Variants in DCLRE1A observed in about 807,000 individuals in gnomAD.
DCLRE1A encodes the protein DNA cross-link repair 1A protein.
In DCLRE1A, 64 loss-of-function variants were observed where a neutral mutation model predicts 91.9. That is an observed-to-expected ratio of 0.70 (90% CI 0.57 to 0.86). The LOEUF (loss-of-function observed/expected upper bound fraction) is 0.86. Ranked by LOEUF, DCLRE1A falls within the 40% of genes least tolerant of loss-of-function variation. DCLRE1A has a pLI of 0.00. For missense variants in DCLRE1A, 1,145 were observed against 1,213.3 expected (o/e 0.94, Z 0.84); for synonymous variants, 416 against 431.1 (o/e 0.96, Z 0.43).
intron 8 of DCLRE1A, among the ~76,000 whole-genome samples, chr10:113,835,711 G>A (rs1271049869): frequency 6.6e-6 from 1 of 152,126 alleles, no homozygotes; most frequent in Non-Finnish European, 1.5e-5. Context: ...GAAGCGGGCA[G>A]ATTACCTGAG....
At position 113,841,406 on chromosome 10, in the gene DCLRE1A, C is replaced by CT; in HGVS notation, c.2819dup (p.Gln943ThrfsTer26). 6.2e-7 allele frequency: 1 copy of CT among 1,610,898 alleles called. No individual in the cohort carries two copies. The highest frequency in any genetic ancestry group is 8.5e-7 in the Non-Finnish European group (1 of 1,178,802). On this transcript the variant is annotated frameshift_variant and splice_region_variant, in exon 7 of 9. Coordinates refer to ENST00000361384, the MANE Select transcript of DCLRE1A (RefSeq NM_014881.5). LOFTEE classifies it high-confidence loss of function. ...AAAGACATATCTCTTGAATGCTTAC[C>CT]TTAAAATTAATTTGCATCATTGGGA... is the stretch of plus-strand genomic sequence containing the variant.
Position 113,849,405 on chromosome 10 carries a change from G to T in DCLRE1A, c.1700C>A (p.Pro567His). The T allele has an allele frequency of 6.2e-7, 1 of 1,613,720 alleles. No individual in the cohort carries two copies. The highest frequency in any genetic ancestry group is 8.5e-7 in the Non-Finnish European group (1 of 1,179,882). ...MDIGVYFGLPPKRKEEKLLGE... is the reference protein window; with the variant it reads ...MDIGVYFGLPHKRKEEKLLGE... Reference sequence around the variant, plus strand: ...TAGCAATTTCTCTTCCTTTCTTTTGGGAGGTAGTCCAAAATACACACCTAT... The same window carrying T: ...TAGCAATTTCTCTTCCTTTCTTTTGTGAGGTAGTCCAAAATACACACCTAT... The change falls in exon 2 of 9, where the codon CCC becomes CAC. Residue 567 changes from proline to histidine, a missense_variant. Pro to His is a moderately conservative substitution (Grantham distance 77). Coordinates refer to ENST00000361384, the MANE Select transcript of DCLRE1A (RefSeq NM_014881.5).
At chr10:113,848,637 C>A (rs572655653) in intron 2 of DCLRE1A, among the ~76,000 whole-genome samples, 2 of 152,232 alleles carry the variant, frequency 1.3e-5, no homozygotes, top group African/African-American at 4.8e-5. Flanking sequence ...TAGAGGCTGC[C>A]TTTTATTATA....
Position 113,845,799 on chromosome 10 carries a change from G to A in DCLRE1A, c.2264C>T (p.Thr755Ile), listed in dbSNP as rs1388952904. The A allele has an allele frequency of 6.2e-7, 1 of 1,613,412 alleles. No homozygotes were observed. The highest frequency in any genetic ancestry group is 8.5e-7 in the Non-Finnish European group (1 of 1,179,498). The change falls in exon 4 of 9, where the codon ACT becomes ATT. Residue 755 changes from threonine to isoleucine, a missense_variant. Transcript: ENST00000361384. ...FTFPVYCSEI[T>I]GNLLKNKLHV... ...AAGCTTGTTCTTCAACAAATTGCCA[G>A]TTATCTGCAAAACAGGACGTGCTTA... is the stretch of plus-strand genomic sequence containing the variant.
In DCLRE1A at chr10:113,849,494, T is replaced by C. The variant is rs754595563; in HGVS notation, c.1611A>G (p.Ile537Met). Residue 537 changes from isoleucine (I) to methionine (M), a missense_variant, in exon 2 of 9, where the codon ATA (isoleucine) becomes ATG (methionine). Coordinates refer to ENST00000361384, the MANE Select transcript of DCLRE1A (RefSeq NM_014881.5). ...SSTPAPKYLK[I>M]LPSGLKYNAR... Reference sequence around the variant, plus strand: ...CATTATACTTAAGACCAGAAGGCAATATTTTCAAATACTTCGGAGCAGGTG... The same window carrying C: ...CATTATACTTAAGACCAGAAGGCAACATTTTCAAATACTTCGGAGCAGGTG... 4 of 1,614,050 alleles carry C rather than the reference T, an allele frequency of 2.5e-6. No homozygotes were observed. In the South Asian group the frequency reaches 3.3e-5, roughly 13 times the overall value.
intron 3 of DCLRE1A, among the ~76,000 whole-genome samples, chr10:113,846,472 C>T (rs767265446): frequency 6.6e-6 from 1 of 152,138 alleles, no homozygotes; most frequent in Non-Finnish European, 1.5e-5. Context: ...TAGCCCAGGA[C>T]AGGATAAAGC....
chr10:113,845,743 G>A lies in DCLRE1A; in HGVS notation c.2320C>T (p.Pro774Ser). The A allele has an allele frequency of 1.2e-6, 2 of 1,614,124 alleles. No homozygotes were observed. The highest frequency in any genetic ancestry group is 1.7e-6 in the Non-Finnish European group (2 of 1,180,016). The part of the protein sequence containing the change: ...HVQEQYIHPL[P>S]LDTECIVNGV... ...TTCACAATACATTCAGTGTCCAGTG[G>A]CAATGGGTGAATATATTGTTCTTGC... The change falls in exon 4 of 9, where the codon CCA (proline) becomes TCA (serine). Residue 774 changes from proline to serine, a missense_variant. Physicochemically the swap from Pro to Ser is moderately conservative, Grantham distance 74. Coordinates refer to ENST00000361384, the MANE Select transcript of DCLRE1A (RefSeq NM_014881.5).
rs1484231483 is a variant in DCLRE1A at position 113,849,776 on chromosome 10, C to T, written c.1329G>A (p.Gln443=). The change falls in exon 2 of 9, where the codon CAG becomes CAA. Residue 443 remains glutamine (Q), a synonymous_variant. Coordinates refer to ENST00000361384, the MANE Select transcript of DCLRE1A (RefSeq NM_014881.5). ...CAGATGATTCTTCAATTACCTGTTT[C>T]TGTTTATTTGATTGAGCTGAGTGAA... The part of the protein sequence containing the change: ...PEFHSAQSNK[Q]KQVIEESSVY... The T allele has an allele frequency of 6.2e-6, 10 of 1,614,002 alleles. No homozygotes were observed. The highest frequency in any genetic ancestry group is 4.5e-5 in the East Asian group (2 of 44,898).
At position 113,844,256 on chromosome 10, in the gene DCLRE1A, T is replaced by A. The variant is rs768796259; in HGVS notation, c.2379-12A>T. ...CAGCACCTGGACAGCTGAACACAAA[T>A]GTCAAAGGAATGTTCATAACACAGG... On this transcript the variant is annotated splice_polypyrimidine_tract_variant and intron_variant, in intron 4 of 8. Coordinates refer to ENST00000361384, the MANE Select transcript of DCLRE1A (RefSeq NM_014881.5). 42 of 1,613,212 alleles carry A rather than the reference T, an allele frequency of 2.6e-5. No homozygotes were observed. Among genetic ancestry groups the A allele is most frequent in the Non-Finnish European group, 3.6e-5 (42 of 1,179,792 alleles).
At position 113,852,828 on chromosome 10, in the gene DCLRE1A, C is replaced by T. The variant is rs757339464; in HGVS notation, c.355G>A (p.Asp119Asn). ...ATCTGGCAATTTGGACAGTATCCATCATAAACTGGACGTATCTTTGGGGAC... is the reference window on the plus strand; with the variant it reads ...ATCTGGCAATTTGGACAGTATCCATTATAAACTGGACGTATCTTTGGGGAC... ...HVSPKIRPVYDGYCPNCQMPF... is the reference protein window; with the variant it reads ...HVSPKIRPVYNGYCPNCQMPF... The change falls in exon 1 of 9, where the codon GAT (aspartate) becomes AAT (asparagine). Residue 119 changes from aspartate to asparagine, a missense_variant. Transcript: ENST00000361384. 1.2e-6 allele frequency: 2 copies of T among 1,614,086 alleles called. No individual in the cohort carries two copies. The highest frequency in any genetic ancestry group is 2.7e-5 in the African/African-American group (2 of 74,930).
At position 113,850,648 on chromosome 10, in the gene DCLRE1A, A is replaced by T. The variant is rs760351664; in HGVS notation, c.461-4T>A. The T allele has an allele frequency of 9.6e-6, 15 of 1,565,342 alleles. No homozygotes were observed. In the South Asian group the frequency reaches 1.4e-4, roughly 15 times the overall value. Reference sequence around the variant, plus strand: ...CACAGAAGACCATCAGGACACTCTGAAATTTTAATAAAGAAAAAATATTAC... The same window carrying T: ...CACAGAAGACCATCAGGACACTCTGTAATTTTAATAAAGAAAAAATATTAC... On this transcript the variant is annotated splice_region_variant and splice_polypyrimidine_tract_variant and intron_variant, in intron 1 of 8. Coordinates refer to ENST00000361384, the MANE Select transcript of DCLRE1A (RefSeq NM_014881.5).
intron 1 of DCLRE1A, 144 bp from the exon 2 acceptor site, chr10:113,850,788 A>G: frequency 1.6e-6 from 1 of 619,010 alleles, no homozygotes; most frequent in South Asian, 2.9e-5. Context: ...ATTAGTTATA[A>G]TTGTTGATAC....
Position 113,849,870 on chromosome 10 carries a change from G to A in DCLRE1A, c.1235C>T (p.Pro412Leu), listed in dbSNP as rs768056208. ...CTGGDFVLFPPALAGKLAASV... is the reference protein window; with the variant it reads ...CTGGDFVLFPLALAGKLAASV... ...AGCAGCAAGCTTCCCTGCCAATGCA[G>A]GTGGAAACAACACAAAATCACCACC... The change falls in exon 2 of 9, where the codon CCT becomes CTT. Residue 412 changes from proline to leucine, a missense_variant. Transcript: ENST00000361384. The A allele has an allele frequency of 6.8e-6, 11 of 1,613,934 alleles. No individual in the cohort carries two copies. Among genetic ancestry groups the A allele is most frequent in the African/African-American group, 1.3e-5 (1 of 75,044 alleles).
At chr10:113,845,844 C>G (rs906205281) in intron 3 of DCLRE1A, 41 bp from the exon 4 acceptor site, 47 of 1,453,008 alleles carry the variant, frequency 3.2e-5, no homozygotes, top group African/African-American at 5.6e-5. Flanking sequence ...CAGTAAAACA[C>G]TAAATATTTT....
chr10:113,839,067 TG>T (rs1845405334), intron 7 of DCLRE1A, among the ~76,000 whole-genome samples: 1 of 152,124 alleles, frequency 6.6e-6, no homozygotes, highest in Non-Finnish European at 1.5e-5. Context: ...GGCTCACGCA[TG>T]TATTCCCAGC....
Position 113,835,088 on chromosome 10 carries a change from A to G in DCLRE1A, c.*64T>C. ...CACAAAGTGTATTTCACATTTCTAT[A>G]GATTTAACTACTAACAAGCTACATC... is the stretch of plus-strand genomic sequence containing the variant. On this transcript the variant is annotated 3_prime_UTR_variant, in exon 9 of 9. Coordinates refer to ENST00000361384, the MANE Select transcript of DCLRE1A (RefSeq NM_014881.5). 4 of 1,456,184 alleles carry G rather than the reference A, an allele frequency of 2.7e-6. No individual in the cohort carries two copies. Among genetic ancestry groups the G allele is most frequent in the Non-Finnish European group, 3.7e-6 (4 of 1,068,402 alleles). 90.2% of individuals were successfully genotyped at this position (1,456,184 alleles called of 1,614,324 possible).
chr10:113,852,460 C>T (rs1201781621), intron 1 of DCLRE1A, among the ~76,000 whole-genome samples: 2 of 152,136 alleles, frequency 1.3e-5, no homozygotes, highest in Non-Finnish European at 2.9e-5. Flanking sequence ...GTGAAAGTAC[C>T]CAGCATAGTA....
At chr10:113,843,095 T>C (rs1210307378) in intron 5 of DCLRE1A, among the ~76,000 whole-genome samples, 3 of 150,944 alleles carry the variant, frequency 2.0e-5, no homozygotes, top group African/African-American at 7.3e-5. Flanking sequence ...ACAGATCCAG[T>C]TGGGTCTATC....
intron 3 of DCLRE1A, among the ~76,000 whole-genome samples, chr10:113,846,831 A>G (rs948407245): frequency 2.6e-5 from 4 of 151,680 alleles, no homozygotes; most frequent in Admixed American, 6.6e-5. Flanking sequence ...ATTATTTTTT[A>G]TTTTTGAATC....
Sources: allele counts gnomAD v4.1 joint callset (sites outside exome capture counted in the v4.1 genomes callset), GRCh38; gene constraint gnomAD v4.1.1; transcripts MANE v1.5; gene names NCBI Gene and HGNC (gene_info 2026-07-23, HGNC 2026-07-21).